CCDC141: variants seen among roughly 807,000 people sequenced by gnomAD.
CCDC141 encodes coiled-coil domain-containing protein 141.
A neutral mutation model predicts 181.0 loss-of-function variants in CCDC141; 168 were observed. The observed-to-expected ratio is 0.93, with a 90% CI of 0.82 to 1.05. The LOEUF (loss-of-function observed/expected upper bound fraction) is 1.05. CCDC141 is among the 50% of genes least tolerant of loss of function. The pLI, the probability that CCDC141 is intolerant of heterozygous loss-of-function variation, is 0.00. For missense variants in CCDC141, 1,902 were observed against 1,788.5 expected, an observed-to-expected ratio of 1.06 and a Z score of -1.14; for synonymous variants, 666 against 642.3, an observed-to-expected ratio of 1.04 and a Z score of -0.56.
At chr2:178,851,062 C>T (rs1311825553) in intron 20 of CCDC141, among the ~76,000 whole-genome samples, 1 of 151,948 alleles carries the variant, frequency 6.6e-6, no homozygotes, top group Non-Finnish European at 1.5e-5. Flanking sequence ...AAAAATTAAC[C>T]TGGTGTGGTG....
intron 8 of CCDC141, among the ~76,000 whole-genome samples, chr2:178,890,367 T>C (rs1329240358): frequency 6.6e-6 from 1 of 152,130 alleles, no homozygotes; most frequent in Non-Finnish European, 1.5e-5. Context: ...AAACTTAGAA[T>C]ACAGGCCTCC....
At chr2:178,924,763 A>C (rs1688849974) in intron 6 of CCDC141, among the ~76,000 whole-genome samples, 1 of 152,208 alleles carries the variant, frequency 6.6e-6, no homozygotes, top group Non-Finnish European at 1.5e-5. Flanking sequence ...CACAGATTGC[A>C]AACAGGAAGA....
intron 6 of CCDC141, among the ~76,000 whole-genome samples, chr2:178,930,020 G>A (rs1213052511): frequency 1.3e-5 from 2 of 152,000 alleles, no homozygotes; most frequent in Non-Finnish European, 2.9e-5. Context: ...GAATATAGAA[G>A]GGGAAACTTG....
At chr2:178,937,214 G>C (rs113774726) in intron 6 of CCDC141, among the ~76,000 whole-genome samples, 1 of 152,238 alleles carries the variant, frequency 6.6e-6, no homozygotes, top group African/African-American at 2.4e-5. Flanking sequence ...TCAGTATAAT[G>C]TTGGCTGTGG....
At chr2:178,896,134 A>G (rs1253116687) in intron 8 of CCDC141, among the ~76,000 whole-genome samples, 1 of 152,234 alleles carries the variant, frequency 6.6e-6, no homozygotes, top group Non-Finnish European at 1.5e-5. Flanking sequence ...AAGGAATTCA[A>G]GAAACTATTA....
chr2:178,936,094 A>G (rs1048573074), intron 6 of CCDC141, among the ~76,000 whole-genome samples: 1 of 152,002 alleles, frequency 6.6e-6, no homozygotes, highest in Non-Finnish European at 1.5e-5. Flanking sequence ...GAAGCTCTTT[A>G]GTTTAATGAG....
At chr2:178,880,681 T>C (rs1686561344) in intron 11 of CCDC141, among the ~76,000 whole-genome samples, 1 of 152,230 alleles carries the variant, frequency 6.6e-6, no homozygotes, top group African/African-American at 2.4e-5. Context: ...AGATCCTCAG[T>C]TTCCCACATT....
chr2:178,950,763 T>C (rs2154377894), intron 5 of CCDC141, among the ~76,000 whole-genome samples: 1 of 152,334 alleles, frequency 6.6e-6, no homozygotes, highest in East Asian at 1.9e-4. Context: ...GTATTCTCTG[T>C]TGATGGGCAG....
In CCDC141 at chr2:178,907,376, C is replaced by T. The variant is rs184524689; in HGVS notation, c.1093-1875G>A. Among the ~76,000 whole-genome samples, 18 of 152,312 alleles carry T rather than the reference C, an allele frequency of 1.2e-4. 1 individual carries two copies. The East Asian group carries it at 2.9e-3, about 24-fold the overall frequency. The stretch of plus-strand genomic sequence containing the variant: ...ATTTCCTGACTCTGAGACCACTGCT[C>T]TTAAATCCTGGGCTGTGGTGCCATG... On this transcript the variant is annotated intron_variant, in intron 7 of 23. Coordinates refer to ENST00000443758, the MANE Select transcript of CCDC141 (RefSeq NM_173648.4).
intron 17 of CCDC141, among the ~76,000 whole-genome samples, chr2:178,860,071 A>AAT (rs1345562047): frequency 6.6e-6 from 1 of 152,224 alleles, no homozygotes; most frequent in Non-Finnish European, 1.5e-5. Flanking sequence ...CAGAAGCAAA[A>AAT]ATATAAAATG....
At chr2:178,887,419 A>G (rs1686936843) in intron 9 of CCDC141, among the ~76,000 whole-genome samples, 1 of 152,188 alleles carries the variant, frequency 6.6e-6, no homozygotes, top group African/African-American at 2.4e-5. Context: ...GACATGAGTC[A>G]TTGACTAAAA....
chr2:178,914,518 G>A (rs1688356432), intron 7 of CCDC141, among the ~76,000 whole-genome samples: 1 of 152,210 alleles, frequency 6.6e-6, no homozygotes, highest in Admixed American at 6.5e-5. Context: ...TCCTCTGGGT[G>A]AGAAACATTC....
chr2:178,991,547 A>G (rs1017025356), intron 2 of CCDC141, among the ~76,000 whole-genome samples: 8 of 152,168 alleles, frequency 5.3e-5, no homozygotes, highest in Non-Finnish European at 1.0e-4. Context: ...GGTAAGAAGG[A>G]AGAAGGAGGT....
At chr2:178,820,512 G>A in the CCDC141 span, among the ~76,000 whole-genome samples, 1 of 151,952 alleles carries the variant, frequency 6.6e-6, no homozygotes, top group African/African-American at 2.4e-5. Flanking sequence ...AATATTGTTG[G>A]GCATTTAAAA....
chr2:178,865,885 T>G lies in CCDC141; in HGVS notation c.2606A>C (p.Gln869Pro). 1.3e-6 allele frequency: 2 copies of G among 1,597,226 alleles called. No individual in the cohort carries two copies. Among genetic ancestry groups the G allele is most frequent in the Non-Finnish European group, 1.7e-6 (2 of 1,171,960 alleles). The change falls in exon 17 of 24, where the codon CAG (glutamine) becomes CCG (proline). Residue 869 changes from glutamine to proline, a missense_variant. Gln to Pro is a moderately conservative substitution (Grantham distance 76, BLOSUM62 -1). Coordinates refer to ENST00000443758, the MANE Select transcript of CCDC141 (RefSeq NM_173648.4). ...CTCCTCAAGGAGCTCCAGCTGCTGC[T>G]GTAGGTTCTTTGCAGAAACATTAGA... is the stretch of plus-strand genomic sequence containing the variant. ...HCSNVSAKNL[Q>P]QQLELLEEDS...
intron 4 of CCDC141, among the ~76,000 whole-genome samples, chr2:178,970,636 C>T (rs1690844808): frequency 6.6e-6 from 1 of 152,164 alleles, no homozygotes; most frequent in Admixed American, 6.5e-5. Flanking sequence ...GAATCAAAGA[C>T]TTAAATGTAA....
Position 178,834,311 on chromosome 2 carries a change from G to C in CCDC141, c.4455C>G (p.Asn1485Lys). ...CATTGGAAGAGAGAGCGCCGCTAGA[G>C]TTTTGGGCCCGAGCCACATAGAGGC... ...DAGLYVARAQ[N>K]SSGALSSNVI... Residue 1485 changes from asparagine (N) to lysine (K), a missense_variant, in exon 24 of 24, where the codon AAC (asparagine) becomes AAG (lysine). Coordinates refer to ENST00000443758, the MANE Select transcript of CCDC141 (RefSeq NM_173648.4). The C allele has an allele frequency of 6.5e-7, 1 of 1,536,022 alleles. No homozygotes were observed. The highest frequency in any genetic ancestry group is 8.7e-7 in the Non-Finnish European group (1 of 1,146,840).
chr2:178,868,416 G>C (rs903431208), intron 15 of CCDC141, among the ~76,000 whole-genome samples: 3 of 152,190 alleles, frequency 2.0e-5, no homozygotes, highest in African/African-American at 4.8e-5. Flanking sequence ...ATTAAAGAAG[G>C]AAACAGTCTT....
chr2:179,003,032 G>A (rs918222524), intron 2 of CCDC141, among the ~76,000 whole-genome samples: 2 of 152,152 alleles, frequency 1.3e-5, no homozygotes, highest in African/African-American at 4.8e-5. Context: ...AGTCAATCCG[G>A]AAAATGGGAT....
Sources: gnomAD v4.1 joint callset for allele counts (sites outside exome capture counted in the v4.1 genomes callset) on GRCh38, gnomAD v4.1.1 for gene constraint, MANE v1.5 for transcripts, NCBI Gene and HGNC (gene_info 2026-07-23, HGNC 2026-07-21) for gene names.